Variants in TP53BP1 observed in about 807,000 individuals in gnomAD.
TP53BP1 encodes the protein TP53-binding protein 1.
Under a neutral mutation model 200.8 loss-of-function variants are expected in TP53BP1, and 61 were observed. The observed-to-expected ratio is 0.30, with a 90% confidence interval of 0.25 to 0.38. The LOEUF (loss-of-function observed/expected upper bound fraction) is 0.38. TP53BP1 is among the 10% of genes least tolerant of loss of function. TP53BP1 has a pLI of 1.00. For missense variants in TP53BP1, 2,144 were observed against 2,371.9 expected, an observed-to-expected ratio of 0.90 and a Z score of 2.00; for synonymous variants, 822 against 844.3, an observed-to-expected ratio of 0.97 and a Z score of 0.46.
At chr15:43,495,533 A>ACACAC (rs56809321), upstream of TP53BP1, among the ~76,000 whole-genome samples, 7 of 143,140 alleles carry the variant, frequency 4.9e-5, no homozygotes, top group South Asian at 2.2e-4. Flanking sequence ...ACACACACAC[A>ACACAC]AAAGCCAGGT....
chr15:43,490,159 G>A (rs574839797), intron 4 of TP53BP1, among the ~76,000 whole-genome samples: 3 of 151,960 alleles, frequency 2.0e-5, no homozygotes, highest in Admixed American at 1.3e-4. Context: ...GCACAATTTC[G>A]GCTCACTGCA....
At chr15:43,414,107 G>A (rs1393638665) in intron 23 of TP53BP1, 2 of 470,652 alleles carry the variant, frequency 4.2e-6, no homozygotes, top group Admixed American at 4.7e-5. Context: ...GACAGGTCAT[G>A]CATGCCTCCC....
chr15:43,406,990 C>A lies in TP53BP1; in HGVS notation c.*393G>T, dbSNP rs556829218. ...TTTTGGCACAACTGTTAATCTGGGCCTTCACCTACCTTAAACTGAGTTTCT... is the reference window on the plus strand; with the variant it reads ...TTTTGGCACAACTGTTAATCTGGGCATTCACCTACCTTAAACTGAGTTTCT... On this transcript the variant is annotated 3_prime_UTR_variant, in exon 28 of 28. Transcript: ENST00000382044. The A allele has an allele frequency of 4.3e-6, 1 of 233,838 alleles. No homozygotes were observed. Among genetic ancestry groups the A allele is most frequent in the Non-Finnish European group, 8.5e-6 (1 of 117,250 alleles). The allele number at this position is 233,838 out of a possible 1,614,324, so 14.5% of individuals were successfully genotyped here.
rs1215836031 is a variant in TP53BP1 at position 43,415,717 on chromosome 15, G to C, written c.4966C>G (p.Arg1656Gly). The change falls in exon 23 of 28, where the codon CGA becomes GGA. Residue 1656 changes from arginine (R) to glycine (G), a missense_variant. Arg to Gly is a moderately radical substitution (Grantham distance 125). Coordinates refer to ENST00000382044, the MANE Select transcript of TP53BP1 (RefSeq NM_001141980.3). ...ASSSSSTTPTRKITESPRASM... is the reference protein window; with the variant it reads ...ASSSSSTTPTGKITESPRASM... Reference sequence around the variant, plus strand: ...GCACGAGGACTTTCTGTGATCTTTCGGGTAGGGGTTGTGCTGCTGCTACTG... The same window carrying C: ...GCACGAGGACTTTCTGTGATCTTTCCGGTAGGGGTTGTGCTGCTGCTACTG... 4 of 1,614,046 alleles carry C rather than the reference G, an allele frequency of 2.5e-6. No individual in the cohort carries two copies. Among genetic ancestry groups the C allele is most frequent in the Non-Finnish European group, 3.4e-6 (4 of 1,180,028 alleles).
chr15:43,404,939 T>TA lies in TP53BP1; in HGVS notation c.*2443dup, dbSNP rs1417001479. 68 of 527,944 alleles carry TA rather than the reference T, an allele frequency of 1.3e-4. No homozygotes were observed. Among genetic ancestry groups the TA allele is most frequent in the East Asian group, 1.6e-4 (5 of 31,042 alleles). The allele number at this position is 527,944 out of a possible 1,614,324, so 32.7% of individuals were successfully genotyped here. A position where few individuals can be genotyped will look rare whatever the true frequency, so the allele number is the denominator to read the frequency against. On this transcript the variant is annotated 3_prime_UTR_variant, in exon 28 of 28. Transcript: ENST00000382044. Reference sequence around the variant, plus strand: ...GACCACCCCTTCTAACTCTAAACTTTAAAAAAAACTGATACCGAGATTCAG... The same window carrying TA: ...GACCACCCCTTCTAACTCTAAACTTTAAAAAAAAACTGATACCGAGATTCAG...
At position 43,429,519 on chromosome 15, in the gene TP53BP1, T is replaced by C. The variant is rs565998854; in HGVS notation, c.3676-1351A>G. 2.0e-4 allele frequency among the ~76,000 whole-genome samples: 30 copies of C among 149,736 alleles called. No individual in the cohort carries two copies. The South Asian group carries it at 5.5e-3, about 27-fold the overall frequency. Reference sequence around the variant, plus strand: ...CCAAGTCTTTAAAAAGAATTACATATACAAATGCAATAATGGTAATTCTGC... The same window carrying C: ...CCAAGTCTTTAAAAAGAATTACATACACAAATGCAATAATGGTAATTCTGC... On this transcript the variant is annotated intron_variant, in intron 17 of 27. Transcript: ENST00000382044.
chr15:43,426,582 A>G (rs1049326367), intron 18 of TP53BP1, among the ~76,000 whole-genome samples: 1 of 152,146 alleles, frequency 6.6e-6, no homozygotes, highest in Non-Finnish European at 1.5e-5. Context: ...CATGAGGGCC[A>G]CAATAGCCCA....
rs751225957 is a variant in TP53BP1 at position 43,446,475 on chromosome 15, T to C, written c.2952A>G (p.Pro984=). 1.2e-5 allele frequency: 20 copies of C among 1,614,094 alleles called. No homozygotes were observed. The highest frequency in any genetic ancestry group is 1.6e-4 in the Middle Eastern group (1 of 6,084). ...TTAGACATAATTTATCATCCACGTC[T>C]GGGGCAGCCCCAGAATCCCCTTTTC... ...GSGKGDSGAA[P]DVDDKLCLRM... Residue 984 remains proline, a synonymous_variant, in exon 14 of 28, where the codon CCA becomes CCG. Coordinates refer to ENST00000382044, the MANE Select transcript of TP53BP1 (RefSeq NM_001141980.3).
chr15:43,421,249 T>G (rs887570787), intron 19 of TP53BP1, 75 bp from the exon 20 acceptor site: 2 of 1,507,676 alleles, frequency 1.3e-6, no homozygotes, highest in Non-Finnish European at 1.8e-6. Context: ...CCCTTGGCCC[T>G]CAGACTACAT....
chr15:43,438,815 GCAGA>G (rs1205608499), intron 15 of TP53BP1, among the ~76,000 whole-genome samples: 3 of 145,096 alleles, frequency 2.1e-5, no homozygotes, highest in Non-Finnish European at 4.5e-5. Context: ...AATGCAATAT[GCAGA>G]CCTTATTTAG....
chr15:43,491,190 C>A (rs2079117063), intron 4 of TP53BP1, among the ~76,000 whole-genome samples: 1 of 152,010 alleles, frequency 6.6e-6, no homozygotes, highest in South Asian at 2.1e-4. Context: ...AAGCAACTCT[C>A]CTGCCTCAGC....
In TP53BP1 at chr15:43,493,105, G is replaced by T; in HGVS notation, c.-62C>A. On this transcript the variant is annotated 5_prime_UTR_variant, in exon 1 of 28. In the 5' UTR this introduces an upstream ATG that the reference lacks. Coordinates refer to ENST00000382044, the MANE Select transcript of TP53BP1 (RefSeq NM_001141980.3). The stretch of plus-strand genomic sequence containing the variant: ...TCTGCACGCTCCCCAAGTCCCTCCA[G>T]ATCGATCCCTAGGTCGCCGCTGTCG... The T allele has an allele frequency of 6.2e-7, 1 of 1,606,148 alleles. No homozygotes were observed.
chr15:43,439,677 T>C (rs140017233), intron 15 of TP53BP1, among the ~76,000 whole-genome samples: 60 of 152,362 alleles, frequency 3.9e-4, no homozygotes, highest in African/African-American at 1.4e-3. Context: ...TAGATTCTTA[T>C]ATAGAAAAAT....
chr15:43,404,276 A>G lies in TP53BP1; in HGVS notation c.*3107T>C, dbSNP rs2142900089. ...AGTCATTTTAGGAACTAATAGAAATAGGAATGTGGGAAGGCCAGGTGGTTC... is the reference window on the plus strand; with the variant it reads ...AGTCATTTTAGGAACTAATAGAAATGGGAATGTGGGAAGGCCAGGTGGTTC... On this transcript the variant is annotated 3_prime_UTR_variant, in exon 28 of 28. Transcript: ENST00000382044. 1 of 957,696 alleles carries G rather than the reference A, an allele frequency of 1.0e-6. No individual in the cohort carries two copies. Among genetic ancestry groups the G allele is most frequent in the Non-Finnish European group, 1.5e-6 (1 of 654,138 alleles). The allele number at this position is 957,696 out of a possible 1,614,324, so 59.3% of individuals were successfully genotyped here. A position where few individuals can be genotyped will look rare whatever the true frequency, so the allele number is the denominator to read the frequency against.
intron 10 of TP53BP1, 23 bp from the exon 11 acceptor site, chr15:43,470,089 A>C: frequency 6.3e-7 from 1 of 1,578,708 alleles, no homozygotes; most frequent in Non-Finnish European, 8.7e-7. Context: ...AGGAGAAACA[A>C]ATTGAGAAAT....
At chr15:43,448,595 A>C (rs919570755) in intron 12 of TP53BP1, among the ~76,000 whole-genome samples, 1 of 150,846 alleles carries the variant, frequency 6.6e-6, no homozygotes, top group Admixed American at 6.6e-5. Context: ...GCTGGAGTGC[A>C]GTAGCTCGAT....
rs752341332 is a variant in TP53BP1 at position 43,408,103 on chromosome 15, G to A, written c.5601-15C>T. The A allele has an allele frequency of 6.2e-7, 1 of 1,612,514 alleles. No homozygotes were observed. Among genetic ancestry groups the A allele is most frequent in the Non-Finnish European group, 8.5e-7 (1 of 1,179,270 alleles). ...CACGGGGTTGCCTATGAAGGAGACA[G>A]GAAAGGACCTTAGCATGACAAGTAA... On this transcript the variant is annotated splice_polypyrimidine_tract_variant and intron_variant, in intron 26 of 27. Coordinates refer to ENST00000382044, the MANE Select transcript of TP53BP1 (RefSeq NM_001141980.3).
At chr15:43,482,379 T>G (rs2078984784) in intron 4 of TP53BP1, among the ~76,000 whole-genome samples, 1 of 152,212 alleles carries the variant, frequency 6.6e-6, no homozygotes, top group Non-Finnish European at 1.5e-5. Flanking sequence ...CTTATCCCTG[T>G]AATCCCAGCA....
chr15:43,461,984 A>C (rs2046445036), intron 11 of TP53BP1, among the ~76,000 whole-genome samples: 1 of 151,610 alleles, frequency 6.6e-6, no homozygotes, highest in African/African-American at 2.4e-5. Flanking sequence ...CTCTTTTTAC[A>C]CATTTTATAA....
Sources: gnomAD v4.1 joint callset for allele counts (sites outside exome capture counted in the v4.1 genomes callset) on GRCh38, gnomAD v4.1.1 for gene constraint, MANE v1.5 for transcripts, NCBI Gene and HGNC (gene_info 2026-07-23, HGNC 2026-07-21) for gene names.